SPATS1: variants seen among roughly 807,000 people sequenced by gnomAD.
SPATS1 encodes spermatogenesis associated serine rich 1.
Under a neutral mutation model 33.6 loss-of-function variants are expected in SPATS1, and 23 were observed. The observed-to-expected ratio is 0.68, with a 90% confidence interval of 0.49 to 0.97. SPATS1 has a LOEUF of 0.97. Ranked by LOEUF, SPATS1 falls within the 50% of genes least tolerant of loss-of-function variation. The pLI is 0.00. For synonymous variants in SPATS1, 131 were observed against 125.6 expected, an observed-to-expected ratio of 1.04 and a Z score of -0.29; for missense variants, 327 against 361.0, an observed-to-expected ratio of 0.91 and a Z score of 0.76.
At chr6:44,376,222 T>G in intron 7 of SPATS1, 136 bp from the exon 8 acceptor site, 1 of 606,932 alleles carries the variant, frequency 1.6e-6, no homozygotes, top group South Asian at 1.9e-5. Flanking sequence ...GGTGAACAAC[T>G]AACATATTTT....
intron 2 of SPATS1, among the ~76,000 whole-genome samples, chr6:44,350,522 T>G (rs182345774): frequency 4.6e-4 from 70 of 152,344 alleles, no homozygotes; most frequent in Non-Finnish European, 8.2e-4. Context: ...CCTTGCGCCA[T>G]GTCCTGAGAA....
chr6:44,369,765 G>T (rs1789485424), intron 6 of SPATS1, among the ~76,000 whole-genome samples: 1 of 151,892 alleles, frequency 6.6e-6, no homozygotes, highest in Admixed American at 6.6e-5. Flanking sequence ...CCAGCTACTT[G>T]GGAGGCTGAG....
At chr6:44,360,656 C>T (rs1788860921) in intron 4 of SPATS1, 86 bp downstream of exon 4, 1 of 1,461,390 alleles carries the variant, frequency 6.8e-7, no homozygotes. Context: ...TCATCGAAGG[C>T]CCACAACTGT....
chr6:44,355,500 T>C (rs1788535326), intron 3 of SPATS1, among the ~76,000 whole-genome samples: 1 of 152,220 alleles, frequency 6.6e-6, no homozygotes, highest in Non-Finnish European at 1.5e-5. Context: ...TGGTTTTCAA[T>C]GACTGCGGTG....
At chr6:44,370,144 C>T (rs753331093) in intron 7 of SPATS1, 31 bp downstream of exon 7, 17 of 1,566,144 alleles carry the variant, frequency 1.1e-5, no homozygotes, top group Middle Eastern at 1.7e-4. Context: ...TTGTGTTATC[C>T]CATCTTTATT....
In SPATS1 at chr6:44,378,598, C is replaced by T. The variant is rs1790074835; in HGVS notation, c.*1535C>T. The T allele has an allele frequency of 6.6e-6, 1 of 152,098 alleles. No individual in the cohort carries two copies. The highest frequency in any genetic ancestry group is 2.4e-5 in the African/African-American group (1 of 41,408). 9.4% of individuals were successfully genotyped at this position (152,098 alleles called of 1,614,324 possible). Reference sequence around the variant, plus strand: ...ACCAGCCTGGTCAACATGGCGAAACCTGTCTCTACTAAAATCACAAAAATT... The same window carrying T: ...ACCAGCCTGGTCAACATGGCGAAACTTGTCTCTACTAAAATCACAAAAATT... On this transcript the variant is annotated 3_prime_UTR_variant, in exon 9 of 9. Coordinates refer to ENST00000674044, the MANE Select transcript of SPATS1 (RefSeq NM_001372081.1).
intron 7 of SPATS1, among the ~76,000 whole-genome samples, chr6:44,373,918 A>T (rs2153370473): frequency 6.6e-6 from 1 of 152,348 alleles, no homozygotes; most frequent in African/African-American, 2.4e-5. Context: ...ATAAGATATG[A>T]TATTTGTTTC....
chr6:44,346,351 C>T (rs934110548), intron 2 of SPATS1, among the ~76,000 whole-genome samples: 1 of 151,286 alleles, frequency 6.6e-6, no homozygotes, highest in African/African-American at 2.4e-5. Flanking sequence ...GATGAAATTT[C>T]CCCCAAATAC....
chr6:44,363,137 CT>C (rs35447842), intron 5 of SPATS1, among the ~76,000 whole-genome samples: 67 of 146,510 alleles, frequency 4.6e-4, no homozygotes, highest in African/African-American at 6.3e-4. Context: ...GTGCCCAGCA[CT>C]TTTTTTTTTT....
At chr6:44,346,011 C>CG (rs1171073496) in intron 2 of SPATS1, among the ~76,000 whole-genome samples, 1 of 152,074 alleles carries the variant, frequency 6.6e-6, no homozygotes, top group Non-Finnish European at 1.5e-5. Flanking sequence ...GATGGGGCCA[C>CG]GTACAGTGTC....
At chr6:44,367,245 A>G (rs1789305738) in intron 5 of SPATS1, among the ~76,000 whole-genome samples, 1 of 152,060 alleles carries the variant, frequency 6.6e-6, no homozygotes, top group Non-Finnish European at 1.5e-5. Flanking sequence ...GTGCCACCAC[A>G]CCCAGCTAAT....
chr6:44,357,090 C>G (rs774641648), intron 3 of SPATS1, among the ~76,000 whole-genome samples: 1 of 152,012 alleles, frequency 6.6e-6, no homozygotes, highest in Non-Finnish European at 1.5e-5. Context: ...AAAAGAGTCC[C>G]CCTTCATATG....
chr6:44,362,282 C>G (rs1403806277), intron 5 of SPATS1, among the ~76,000 whole-genome samples: 1 of 152,174 alleles, frequency 6.6e-6, no homozygotes, highest in Admixed American at 6.5e-5. Flanking sequence ...TAATAGAAAC[C>G]TCCATTGAAG....
chr6:44,370,478 G>A (rs1317711788), intron 7 of SPATS1, among the ~76,000 whole-genome samples: 1 of 152,182 alleles, frequency 6.6e-6, no homozygotes. Flanking sequence ...AATGGTTAGA[G>A]TTTCAAGAGG....
At chr6:44,352,193 T>C (rs1788282037) in intron 2 of SPATS1, among the ~76,000 whole-genome samples, 1 of 152,132 alleles carries the variant, frequency 6.6e-6, no homozygotes, top group African/African-American at 2.4e-5. Flanking sequence ...TGCAGTCATG[T>C]GATCTCGGCT....
At chr6:44,344,338 T>G (rs940160882) in intron 2 of SPATS1, among the ~76,000 whole-genome samples, 2 of 151,470 alleles carry the variant, frequency 1.3e-5, no homozygotes, top group Admixed American at 1.3e-4. Flanking sequence ...TAGCTTAACA[T>G]GGAGTCTATG....
chr6:44,369,189 A>G (rs186003078), intron 6 of SPATS1, among the ~76,000 whole-genome samples: 289 of 152,276 alleles, frequency 1.9e-3, no homozygotes, highest in Non-Finnish European at 3.5e-3. Flanking sequence ...TACATTTAAA[A>G]TATTATTTTA....
intron 3 of SPATS1, among the ~76,000 whole-genome samples, chr6:44,354,620 C>T (rs1788454496): frequency 1.3e-5 from 2 of 152,028 alleles, no homozygotes; most frequent in African/African-American, 4.8e-5. Flanking sequence ...ACTCCCTGCC[C>T]CAACACATGT....
At chr6:44,348,820 G>A (rs1314850865) in intron 2 of SPATS1, among the ~76,000 whole-genome samples, 1 of 152,198 alleles carries the variant, frequency 6.6e-6, no homozygotes, top group African/African-American at 2.4e-5. Context: ...CCAATATGTT[G>A]AAACCTCATC....
Sources: gnomAD v4.1 joint callset for allele counts (sites outside exome capture counted in the v4.1 genomes callset) on GRCh38, gnomAD v4.1.1 for gene constraint, MANE v1.5 for transcripts, NCBI Gene and HGNC (gene_info 2026-07-23, HGNC 2026-07-21) for gene names.